KCNK10: variants seen among roughly 807,000 people sequenced by gnomAD.
The protein encoded by KCNK10 is potassium channel subfamily K member 10.
KCNK10 carries 25 observed loss-of-function variants against 47.7 expected under a neutral mutation model. The observed-to-expected ratio is 0.52, with a 90% CI of 0.38 to 0.73. The LOEUF (loss-of-function observed/expected upper bound fraction) is 0.73, where lower values mean the gene tolerates loss of function less well. Among genes scored for constraint, KCNK10 ranks in the 30% least tolerant of loss-of-function variants. KCNK10 has a pLI of 0.00. For missense variants in KCNK10, 563 were observed against 714.5 expected, an observed-to-expected ratio of 0.79 and a Z score of 2.42; for synonymous variants, 303 against 285.6, an observed-to-expected ratio of 1.06 and a Z score of -0.61.
intron 4 of KCNK10, among the ~76,000 whole-genome samples, chr14:88,200,202 A>T (rs1237288489): frequency 6.6e-6 from 1 of 151,048 alleles, no homozygotes; most frequent in African/African-American, 2.4e-5. Context: ...TAATGTAAGC[A>T]TCTAGGGATG....
chr14:88,227,722 A>G (rs1262261672), intron 3 of KCNK10, among the ~76,000 whole-genome samples, 187 bp from the exon 4 acceptor site: 1 of 152,188 alleles, frequency 6.6e-6, no homozygotes, highest in African/African-American at 2.4e-5. Flanking sequence ...CTCCCCTTAT[A>G]AACGGTTTTA....
intron 2 of KCNK10, among the ~76,000 whole-genome samples, chr14:88,250,964 G>A (rs893340515): frequency 2.0e-5 from 3 of 152,192 alleles, no homozygotes; most frequent in Non-Finnish European, 4.4e-5. Flanking sequence ...GCTGGGCACA[G>A]TGGCTCATGC....
At chr14:88,249,171 A>G (rs1886726312) in intron 2 of KCNK10, among the ~76,000 whole-genome samples, 1 of 152,252 alleles carries the variant, frequency 6.6e-6, no homozygotes, top group Non-Finnish European at 1.5e-5. Context: ...TAAAAAAACA[A>G]AAGGTTAAAC....
chr14:88,221,044 G>A (rs1885792052), intron 4 of KCNK10, among the ~76,000 whole-genome samples: 1 of 152,070 alleles, frequency 6.6e-6, no homozygotes, highest in Non-Finnish European at 1.5e-5. Flanking sequence ...GCTCATGCCT[G>A]TAATCCCAGC....
chr14:88,265,247 T>C (rs1483315058), intron 1 of KCNK10, among the ~76,000 whole-genome samples: 1 of 152,084 alleles, frequency 6.6e-6, no homozygotes, highest in Non-Finnish European at 1.5e-5. Flanking sequence ...ACTTTGCAGA[T>C]GTGATTAAGA....
In KCNK10 at chr14:88,182,048, A is replaced by ATG; in HGVS notation, c.*3486_*3487insCA. 1 of 135,730 alleles carries ATG rather than the reference A, an allele frequency of 7.4e-6. No homozygotes were observed. The allele number at this position is 135,730 out of a possible 1,614,324, so 8.4% of individuals were successfully genotyped here. A position where few individuals can be genotyped will look rare whatever the true frequency, so the allele number is the denominator to read the frequency against. On this transcript the variant is annotated 3_prime_UTR_variant, in exon 7 of 7. Transcript: ENST00000319231. ...ACCACCCCAACCCGCACACACACAC[A>ATG]CACACACACACACACACACACACAC...
rs2139810217 is a variant in KCNK10 at position 88,322,880 on chromosome 14, C to T, written c.-82G>A. The T allele has an allele frequency of 1.9e-6, 3 of 1,605,296 alleles. No individual in the cohort carries two copies. The highest frequency in any genetic ancestry group is 1.1e-5 in the South Asian group (1 of 89,992). On this transcript the variant is annotated 5_prime_UTR_variant, in exon 1 of 7. Transcript: ENST00000319231. The surrounding 1 kb of genome is among the most constrained non-coding windows in gnomAD (Gnocchi z 4.8). The stretch of plus-strand genomic sequence containing the variant: ...TCAAGCTTTACACGCCTCGGTTTAG[C>T]AGTCCAACAAAACAATTTCCGAGGA...
chr14:88,230,665 G>A (rs997201000), intron 3 of KCNK10, among the ~76,000 whole-genome samples: 7 of 152,276 alleles, frequency 4.6e-5, no homozygotes, highest in Non-Finnish European at 8.8e-5. Flanking sequence ...CAGGGCCCAC[G>A]CTTAGATGGG....
chr14:88,202,647 A>C lies in KCNK10; in HGVS notation c.682-10237T>G, dbSNP rs150658190. ...AAGAGGTGTGGAGATTCTCAGAGGC[A>C]GACTTACAGAACCACTTTCTCCTCT... On this transcript the variant is annotated intron_variant, in intron 4 of 6. Transcript: ENST00000319231. Among the ~76,000 whole-genome samples, 8 of 152,354 alleles carry C rather than the reference A, an allele frequency of 5.3e-5. No homozygotes were observed. The South Asian group carries it at 1.5e-3, about 28-fold the overall frequency.
intron 1 of KCNK10, among the ~76,000 whole-genome samples, chr14:88,277,437 T>C (rs1020656147): frequency 2.0e-5 from 3 of 152,176 alleles, no homozygotes; most frequent in African/African-American, 7.2e-5. Context: ...TGCAAATGCA[T>C]CTATCAGAGG....
intron 2 of KCNK10, among the ~76,000 whole-genome samples, chr14:88,261,813 T>C (rs1367871417): frequency 2.0e-5 from 3 of 152,152 alleles, no homozygotes; most frequent in African/African-American, 4.8e-5. Context: ...ACTGACTTCC[T>C]ATGAAACACT....
intron 1 of KCNK10, among the ~76,000 whole-genome samples, chr14:88,275,169 A>T (rs1376800937): frequency 1.3e-5 from 2 of 152,026 alleles, no homozygotes; most frequent in Non-Finnish European, 2.9e-5. Context: ...CGCCCACAAC[A>T]TCAGGGTCAC....
In KCNK10 at chr14:88,310,224, T is replaced by TATATCATATACCATATC. The variant is rs1365676813; in HGVS notation, c.52+12522_52+12523insGATATGGTATATGATAT. 3.0e-3 allele frequency among the ~76,000 whole-genome samples: 402 copies of TATATCATATACCATATC among 135,558 alleles called. 35 individuals are homozygous for TATATCATATACCATATC. The highest frequency in any genetic ancestry group is 3.1e-3 in the Non-Finnish European group (186 of 59,844). 88.9% of individuals were successfully genotyped at this position (135,558 alleles called of 152,430 possible). On this transcript the variant is annotated intron_variant, in intron 1 of 6. Transcript: ENST00000319231. ...GTATATGATATACCATATCATATGGTATATGATATACCATATAAATGATAT... is the reference window on the plus strand; with the variant it reads ...GTATATGATATACCATATCATATGGTATATCATATACCATATCATATGATATACCATATAAATGATAT...
chr14:88,262,155 A>T (rs1887129042), intron 2 of KCNK10, among the ~76,000 whole-genome samples: 1 of 152,218 alleles, frequency 6.6e-6, no homozygotes, highest in African/African-American at 2.4e-5. Context: ...GAATTGTAAA[A>T]GCTGTCTTTT....
intron 4 of KCNK10, among the ~76,000 whole-genome samples, chr14:88,199,005 C>T (rs1015238417): frequency 6.6e-6 from 1 of 151,522 alleles, no homozygotes; most frequent in East Asian, 1.9e-4. Context: ...CTGCAACTTC[C>T]GCCTCCCAGG....
At chr14:88,307,569 C>G (rs4086832) in intron 1 of KCNK10, among the ~76,000 whole-genome samples, 12,234 of 152,084 alleles carry the variant, frequency 0.08, 576 homozygotes, top group Middle Eastern at 0.12. Context: ...ATACTAAAAA[C>G]CACTGAATTG....
At chr14:88,285,676 G>C (rs932621139) in intron 1 of KCNK10, among the ~76,000 whole-genome samples, 4 of 152,104 alleles carry the variant, frequency 2.6e-5, no homozygotes, top group Non-Finnish European at 5.9e-5. Context: ...GATTACTCAG[G>C]TTCTTTAATA....
intron 3 of KCNK10, among the ~76,000 whole-genome samples, chr14:88,230,320 T>C (rs1053120545): frequency 1.3e-5 from 2 of 152,118 alleles, no homozygotes; most frequent in Admixed American, 6.6e-5. Flanking sequence ...AGGTGGTGAC[T>C]TTCAGCAGAA....
intron 4 of KCNK10, among the ~76,000 whole-genome samples, chr14:88,216,345 G>C: frequency 6.6e-6 from 1 of 152,144 alleles, no homozygotes; most frequent in East Asian, 1.9e-4. Flanking sequence ...TTATATCCCA[G>C]TATAGCTATG....
Sources: allele counts gnomAD v4.1 joint callset (sites outside exome capture counted in the v4.1 genomes callset), GRCh38; gene constraint gnomAD v4.1.1; non-coding constraint Gnocchi (gnomAD v3.1); transcripts MANE v1.5; gene names NCBI Gene and HGNC (gene_info 2026-07-23, HGNC 2026-07-21).